The following NAALADL2 variants were observed in gnomAD, a reference collection of about 807,000 sequenced individuals.
The protein encoded by NAALADL2 is inactive N-acetylated-alpha-linked acidic dipeptidase-like protein 2.
NAALADL2 carries 76 observed loss-of-function variants against 87.2 expected under a neutral mutation model. That is an observed-to-expected ratio of 0.87 (90% CI 0.72 to 1.05). The LOEUF is 1.05. Among genes scored for constraint, NAALADL2 ranks in the 50% least tolerant of loss-of-function variants. NAALADL2 has a pLI of 0.00. For synonymous variants in NAALADL2, 354 were observed against 331.0 expected (o/e 1.07, Z -0.75); for missense variants, 1,089 against 945.8 (o/e 1.15, Z -1.99).
Position 174,990,801 on chromosome 3 carries a change from G to A in NAALADL2, c.44-105989G>A, listed in dbSNP as rs180806514. Among the ~76,000 whole-genome samples the A allele has an allele frequency of 2.6e-4, 40 of 152,240 alleles. No homozygotes were observed. The East Asian group carries it at 7.5e-3, about 29-fold the overall frequency. On this transcript the variant is annotated intron_variant, in intron 1 of 13. Transcript: ENST00000454872. ...ATACTGATGGCTGGCTCTATTTCCA[G>A]TAGATTTGATTTGATTGGTCTGGGG...
intron 2 of NAALADL2, among the ~76,000 whole-genome samples, chr3:175,203,959 T>C (rs952449213): frequency 1.3e-5 from 2 of 152,208 alleles, no homozygotes; most frequent in Admixed American, 1.3e-4. Context: ...ATTTAAAAAT[T>C]ACCAACAGAA....
chr3:174,746,406 A>G (rs1168285380), intron 3 of NAALADL2, among the ~76,000 whole-genome samples: 1 of 152,198 alleles, frequency 6.6e-6, no homozygotes, highest in African/African-American at 2.4e-5. Context: ...GAGTACTACA[A>G]ACCACTGCTC....
At chr3:174,784,918 C>T (rs1331888620) in intron 3 of NAALADL2, among the ~76,000 whole-genome samples, 1 of 152,116 alleles carries the variant, frequency 6.6e-6, no homozygotes, top group Non-Finnish European at 1.5e-5. Context: ...TTAATATTTT[C>T]AGACTGTAGT....
chr3:175,139,260 T>C (rs555718638), intron 2 of NAALADL2, among the ~76,000 whole-genome samples: 1 of 152,056 alleles, frequency 6.6e-6, no homozygotes, highest in South Asian at 2.1e-4. Context: ...AAATACATCC[T>C]TGTTCTGGAA....
intron 1 of NAALADL2, among the ~76,000 whole-genome samples, chr3:174,980,828 A>G (rs971412309): frequency 8.3e-5 from 12 of 144,542 alleles, no homozygotes; most frequent in African/African-American, 3.0e-4. Context: ...TTAGTATGAT[A>G]TATGTCTTAT....
At chr3:174,757,387 G>A (rs984218007) in intron 3 of NAALADL2, among the ~76,000 whole-genome samples, 15 of 152,324 alleles carry the variant, frequency 9.8e-5, no homozygotes, top group African/African-American at 3.6e-4. Context: ...CTGGTTAGAT[G>A]CTCAGCCAGA....
chr3:175,520,399 C>T (rs1280043992), intron 9 of NAALADL2, among the ~76,000 whole-genome samples: 1 of 150,960 alleles, frequency 6.6e-6, no homozygotes, highest in East Asian at 2.0e-4. Flanking sequence ...CCCGGGTTCA[C>T]GCCATTCTCC....
At chr3:175,480,656 GTT>G (rs1037225389) in intron 9 of NAALADL2, among the ~76,000 whole-genome samples, 2 of 151,728 alleles carry the variant, frequency 1.3e-5, no homozygotes, top group African/African-American at 4.8e-5. Flanking sequence ...AAATAAAATA[GTT>G]TTTTCTGGCT....
At chr3:174,926,287 G>A (rs1170176671) in intron 1 of NAALADL2, among the ~76,000 whole-genome samples, 5 of 152,188 alleles carry the variant, frequency 3.3e-5, no homozygotes, top group Admixed American at 2.0e-4. Flanking sequence ...ACACTGCAGG[G>A]TATTATCCAG....
intron 1 of NAALADL2, among the ~76,000 whole-genome samples, chr3:174,882,653 A>G (rs1227965619): frequency 2.8e-4 from 39 of 140,664 alleles, no homozygotes; most frequent in African/African-American, 1.2e-3. Context: ...GTGCATATAC[A>G]CATATGTGCA....
At chr3:174,898,293 A>G (rs570442953) in intron 1 of NAALADL2, among the ~76,000 whole-genome samples, 4 of 151,726 alleles carry the variant, frequency 2.6e-5, no homozygotes, top group South Asian at 2.1e-4. Flanking sequence ...TGTACTCATG[A>G]TATAGAGAGT....
chr3:174,809,769 C>T (rs764650380), intron 3 of NAALADL2, among the ~76,000 whole-genome samples: 1 of 152,090 alleles, frequency 6.6e-6, no homozygotes, highest in South Asian at 2.1e-4. Flanking sequence ...TTATTTGTAT[C>T]TGTATTCCTA....
chr3:174,677,654 G>A (rs941595743), intron 2 of NAALADL2, among the ~76,000 whole-genome samples: 3 of 151,912 alleles, frequency 2.0e-5, no homozygotes, highest in Admixed American at 6.6e-5. Context: ...CCATAACCTT[G>A]TTTTATGTGT....
At chr3:175,481,548 T>C (rs1457529704) in intron 9 of NAALADL2, among the ~76,000 whole-genome samples, 1 of 151,818 alleles carries the variant, frequency 6.6e-6, no homozygotes, top group African/African-American at 2.4e-5. Context: ...TGACTATTTT[T>C]TATAAAGACA....
chr3:175,066,155 G>A (rs931549024), intron 1 of NAALADL2, among the ~76,000 whole-genome samples: 6 of 152,106 alleles, frequency 3.9e-5, no homozygotes, highest in Admixed American at 3.9e-4. Context: ...CCAGAACTAG[G>A]TGTGTGAAAG....
intron 3 of NAALADL2, among the ~76,000 whole-genome samples, chr3:174,743,994 C>A (rs1473300555): frequency 6.6e-6 from 1 of 151,732 alleles, no homozygotes; most frequent in African/African-American, 2.4e-5. Context: ...TTTGCATTTT[C>A]TTTGGTCAGA....
chr3:174,946,538 G>C (rs1413395787), intron 1 of NAALADL2, among the ~76,000 whole-genome samples: 1 of 152,152 alleles, frequency 6.6e-6, no homozygotes, highest in Non-Finnish European at 1.5e-5. Flanking sequence ...AAGTCACTTA[G>C]AACAGTGCAT....
At chr3:175,761,807 G>C (rs935721225) in intron 13 of NAALADL2, among the ~76,000 whole-genome samples, 1 of 152,014 alleles carries the variant, frequency 6.6e-6, no homozygotes, top group Non-Finnish European at 1.5e-5. Context: ...TATTTGATGT[G>C]ATATCTGTTC....
chr3:174,722,023 T>C (rs1731755632), intron 2 of NAALADL2, among the ~76,000 whole-genome samples: 1 of 152,146 alleles, frequency 6.6e-6, no homozygotes, highest in African/African-American at 2.4e-5. Context: ...GACCAAGAGC[T>C]CAGCAAGATG....
Sources: gnomAD v4.1 joint callset for allele counts (sites outside exome capture counted in the v4.1 genomes callset) on GRCh38, gnomAD v4.1.1 for gene constraint, MANE v1.5 for transcripts, NCBI Gene and HGNC (gene_info 2026-07-23, HGNC 2026-07-21) for gene names.